Variants in CNTNAP5 observed in about 807,000 individuals in gnomAD.
CNTNAP5 encodes the protein contactin associated protein family member 5.
CNTNAP5 carries 72 observed loss-of-function variants against 150.2 expected under a neutral mutation model. The ratio of observed to expected loss-of-function variants is 0.48; its 90% CI spans 0.40 to 0.58. The LOEUF (loss-of-function observed/expected upper bound fraction) is 0.58, where lower values mean the gene tolerates loss of function less well. Ranked by LOEUF, CNTNAP5 falls within the 20% of genes least tolerant of loss-of-function variation. CNTNAP5 has a pLI of 0.00. For missense variants in CNTNAP5, 1,636 were observed against 1,626.2 expected, an observed-to-expected ratio of 1.01 and a Z score of -0.10; for synonymous variants, 672 against 619.8, an observed-to-expected ratio of 1.08 and a Z score of -1.25.
At chr2:124,748,587 G>T in intron 14 of CNTNAP5, among the ~76,000 whole-genome samples, 1 of 152,106 alleles carries the variant, frequency 6.6e-6, no homozygotes, top group Non-Finnish European at 1.5e-5. Context: ...CTTATGTTAA[G>T]CTAGTCTCAA....
intron 7 of CNTNAP5, among the ~76,000 whole-genome samples, chr2:124,494,126 A>C (rs1694096680): frequency 7.0e-6 from 1 of 142,678 alleles, no homozygotes; most frequent in Non-Finnish European, 1.5e-5. Flanking sequence ...GGGTAGGGGA[A>C]ATGATTCACA....
At chr2:124,169,359 T>G (rs1684878961) in intron 1 of CNTNAP5, among the ~76,000 whole-genome samples, 1 of 152,100 alleles carries the variant, frequency 6.6e-6, no homozygotes, top group East Asian at 1.9e-4. Context: ...AAGCAGAATC[T>G]GATTCATCCA....
intron 1 of CNTNAP5, among the ~76,000 whole-genome samples, chr2:124,027,429 G>C (rs1680925411): frequency 6.6e-6 from 1 of 152,208 alleles, no homozygotes; most frequent in African/African-American, 2.4e-5. Context: ...CCACAAAGGT[G>C]GGGGTGAGAG....
chr2:124,890,853 G>A (rs540123779), intron 21 of CNTNAP5, among the ~76,000 whole-genome samples: 32 of 152,188 alleles, frequency 2.1e-4, no homozygotes, highest in African/African-American at 7.5e-4. Context: ...AGTGTATAGA[G>A]ACATACATGG....
chr2:124,246,131 T>G (rs1427886369), intron 3 of CNTNAP5, among the ~76,000 whole-genome samples: 1 of 152,136 alleles, frequency 6.6e-6, no homozygotes, highest in Non-Finnish European at 1.5e-5. Flanking sequence ...TCTTTAAAAT[T>G]GATTTACCAA....
At chr2:124,075,615 C>T (rs561068678) in intron 1 of CNTNAP5, among the ~76,000 whole-genome samples, 18 of 152,230 alleles carry the variant, frequency 1.2e-4, no homozygotes, top group Non-Finnish European at 2.1e-4. Flanking sequence ...ACTTTCATCT[C>T]TGTTTCCCAG....
intron 12 of CNTNAP5, among the ~76,000 whole-genome samples, chr2:124,632,346 A>G (rs1573510493): frequency 6.6e-6 from 1 of 152,378 alleles, no homozygotes; most frequent in East Asian, 1.9e-4. Flanking sequence ...AATGTGGTAC[A>G]TAAACAGCAC....
At chr2:124,131,204 AC>A (rs1302011075) in intron 1 of CNTNAP5, among the ~76,000 whole-genome samples, 1 of 152,106 alleles carries the variant, frequency 6.6e-6, no homozygotes, top group African/African-American at 2.4e-5. Context: ...ATGGAGCCCC[AC>A]TTTTCTGATT....
chr2:124,843,422 A>G (rs909964137), intron 19 of CNTNAP5, among the ~76,000 whole-genome samples: 1 of 152,042 alleles, frequency 6.6e-6, no homozygotes, highest in African/African-American at 2.4e-5. Context: ...TTGATTGATG[A>G]GCATTTGGGC....
intron 17 of CNTNAP5, among the ~76,000 whole-genome samples, chr2:124,786,229 C>A (rs1681565803): frequency 6.6e-6 from 1 of 150,586 alleles, no homozygotes; most frequent in Non-Finnish European, 1.5e-5. Context: ...CACCACCGCA[C>A]TCCAGCCTGG....
rs914440259 is a variant in CNTNAP5 at position 124,683,401 on chromosome 2, GT to G, written c.2077+35451del. Among the ~76,000 whole-genome samples the G allele has an allele frequency of 1.4e-4, 21 of 152,060 alleles. No homozygotes were observed. In the Middle Eastern group the frequency reaches 0.014, roughly 99 times the overall value. ...TTTTATTAAAACAGTTTTTATTTCA[GT>G]TTTTTTTGGGGAGAAAAGGTGGTAT... On this transcript the variant is annotated intron_variant, in intron 13 of 23. Coordinates refer to ENST00000682447, the MANE Select transcript of CNTNAP5 (RefSeq NM_001367498.1).
intron 21 of CNTNAP5, among the ~76,000 whole-genome samples, chr2:124,889,167 CA>C (rs1678142798): frequency 7.2e-6 from 1 of 138,164 alleles, no homozygotes; most frequent in Admixed American, 7.7e-5. Context: ...GGCAAAATCT[CA>C]GCTTACTGCA....
chr2:124,867,168 A>G (rs1677650279), intron 20 of CNTNAP5, among the ~76,000 whole-genome samples: 1 of 152,148 alleles, frequency 6.6e-6, no homozygotes, highest in South Asian at 2.1e-4. Context: ...CCAAAGCCTA[A>G]AACAAATAAT....
intron 11 of CNTNAP5, among the ~76,000 whole-genome samples, chr2:124,602,286 G>A (rs1697003887): frequency 7.2e-6 from 1 of 138,734 alleles, no homozygotes; most frequent in Non-Finnish European, 1.5e-5. Flanking sequence ...AGGTTGTAGT[G>A]AGCCAAGATC....
chr2:124,588,457 G>GA (rs1211433397), intron 11 of CNTNAP5, among the ~76,000 whole-genome samples: 1 of 151,756 alleles, frequency 6.6e-6, no homozygotes, highest in African/African-American at 2.4e-5. Flanking sequence ...CATACTCAGG[G>GA]AACCAATACT....
intron 19 of CNTNAP5, among the ~76,000 whole-genome samples, chr2:124,844,349 C>G (rs886090373): frequency 3.9e-5 from 6 of 152,070 alleles, no homozygotes; most frequent in Non-Finnish European, 5.9e-5. Flanking sequence ...TCCAGGTTCT[C>G]TATTCTGTTC....
chr2:124,391,382 G>T (rs1201627910), intron 3 of CNTNAP5, among the ~76,000 whole-genome samples: 1 of 152,060 alleles, frequency 6.6e-6, no homozygotes, highest in Non-Finnish European at 1.5e-5. Flanking sequence ...TCACAAAAAT[G>T]GGTGGACATG....
intron 3 of CNTNAP5, among the ~76,000 whole-genome samples, chr2:124,388,652 C>T (rs1010549219): frequency 6.6e-6 from 1 of 152,138 alleles, no homozygotes; most frequent in Non-Finnish European, 1.5e-5. Flanking sequence ...ATGTCCATCC[C>T]TGGTCTGACT....
At position 124,786,286 on chromosome 2, in the gene CNTNAP5, A is replaced by T. The variant is rs1185069118; in HGVS notation, c.2753-3616A>T. Among the ~76,000 whole-genome samples the T allele has an allele frequency of 2.0e-5, 3 of 149,972 alleles. No homozygotes were observed. In the Admixed American group the frequency reaches 2.0e-4, roughly 10 times the overall value. The stretch of plus-strand genomic sequence containing the variant: ...TCAAAAATAAAACAAATAGGCAGGC[A>T]GGAAGGAAGAAAAGAAAGAGAAAGA... On this transcript the variant is annotated intron_variant, in intron 17 of 23. Transcript: ENST00000682447.
Sources: allele counts gnomAD v4.1 joint callset (sites outside exome capture counted in the v4.1 genomes callset), GRCh38; gene constraint gnomAD v4.1.1; transcripts MANE v1.5; gene names NCBI Gene and HGNC (gene_info 2026-07-23, HGNC 2026-07-21).